LDLRAD4: variants seen among roughly 807,000 people sequenced by gnomAD.
LDLRAD4 encodes the protein low density lipoprotein receptor class A domain containing 4, also known as low-density lipoprotein receptor class A domain-containing protein 4.
LDLRAD4 carries 5 observed loss-of-function variants against 17.0 expected under a neutral mutation model. That is an observed-to-expected ratio of 0.29 (90% confidence interval 0.15 to 0.62). The LOEUF (loss-of-function observed/expected upper bound fraction) is 0.62, where lower values mean the gene tolerates loss of function less well. Among genes scored for constraint, LDLRAD4 ranks in the 20% least tolerant of loss-of-function variants. LDLRAD4 has a pLI of 0.84. For missense variants in LDLRAD4, 340 were observed against 424.7 expected, an observed-to-expected ratio of 0.80 and a Z score of 1.75; for synonymous variants, 168 against 171.8, an observed-to-expected ratio of 0.98 and a Z score of 0.17.
At chr18:13,409,439 C>G (rs1212299197) in intron 2 of LDLRAD4, among the ~76,000 whole-genome samples, 1 of 152,222 alleles carries the variant, frequency 6.6e-6, no homozygotes, top group East Asian at 1.9e-4. Flanking sequence ...ATTAAATAAC[C>G]TTGTCTCTTA....
chr18:13,447,306 G>T lies in LDLRAD4; in HGVS notation c.181+8922G>T, dbSNP rs547844041. Among the ~76,000 whole-genome samples, 42 of 152,318 alleles carry T rather than the reference G, an allele frequency of 2.8e-4. 1 individual carries two copies. The highest frequency in any genetic ancestry group is 3.5e-4 in the Non-Finnish European group (24 of 68,020). ...CACGCTTCTGCCTGAACGGTTCTGT[G>T]GGATGAGCCCCAGGGAGGCGCTGGC... On this transcript the variant is annotated intron_variant, in intron 3 of 5. Transcript: ENST00000359446.
chr18:13,376,366 C>T (rs2084912258), intron 1 of LDLRAD4, among the ~76,000 whole-genome samples: 1 of 152,184 alleles, frequency 6.6e-6, no homozygotes, highest in South Asian at 2.1e-4. Context: ...CCCACGGTCG[C>T]TTAGATCATG....
Position 13,433,900 on chromosome 18 carries a change from A to T in LDLRAD4, c.41-4344A>T, listed in dbSNP as rs75776875. On this transcript the variant is annotated intron_variant, in intron 2 of 5. Transcript: ENST00000359446. ...GGCTGATGTTAGTTTGTACACAACT[A>T]GAATGACCTTCAGGACAAAAAAGGG... Among the ~76,000 whole-genome samples, 756 of 152,354 alleles carry T rather than the reference A, an allele frequency of 5.0e-3. 7 individuals carry two copies. The highest frequency in any genetic ancestry group is 0.015 in the African/African-American group (644 of 41,566).
intron 1 of LDLRAD4, among the ~76,000 whole-genome samples, chr18:13,257,820 C>T (rs182119265): frequency 6.0e-4 from 91 of 152,292 alleles, no homozygotes; most frequent in African/African-American, 2.1e-3. Flanking sequence ...AAGGGTTTGT[C>T]CAACCCAATG....
At chr18:13,625,880 C>T (rs2041122202) in intron 4 of LDLRAD4, among the ~76,000 whole-genome samples, 1 of 149,010 alleles carries the variant, frequency 6.7e-6, no homozygotes, top group African/African-American at 2.5e-5. Flanking sequence ...CTCCTCCCCT[C>T]TACCAGCATC....
intron 2 of LDLRAD4, among the ~76,000 whole-genome samples, chr18:13,396,177 G>A (rs775562454): frequency 6.6e-6 from 1 of 152,156 alleles, no homozygotes; most frequent in Admixed American, 6.5e-5. Context: ...ATTTATGTTG[G>A]CATTTGTAGA....
chr18:13,276,726 G>A (rs1296574736), upstream of LDLRAD4, among the ~76,000 whole-genome samples: 1 of 152,214 alleles, frequency 6.6e-6, no homozygotes, highest in Non-Finnish European at 1.5e-5. Flanking sequence ...CCTCGTTGCG[G>A]ACTCCTATGT....
intron 1 of LDLRAD4, among the ~76,000 whole-genome samples, chr18:13,303,732 A>T (rs1344461329): frequency 1.3e-5 from 2 of 152,238 alleles, no homozygotes; most frequent in South Asian, 2.1e-4. Context: ...AAAAAGAGAA[A>T]GGAAGATGAA....
At chr18:13,293,666 CA>C (rs1452586035) in intron 1 of LDLRAD4, among the ~76,000 whole-genome samples, 1 of 152,216 alleles carries the variant, frequency 6.6e-6, no homozygotes, top group Admixed American at 6.5e-5. Context: ...TTCTCTTTTA[CA>C]AAGTCTGACT....
chr18:13,507,301 CTT>C (rs1204452180), intron 3 of LDLRAD4, among the ~76,000 whole-genome samples: 1 of 152,124 alleles, frequency 6.6e-6, no homozygotes, highest in South Asian at 2.1e-4. Context: ...GATATTTAGT[CTT>C]TTATCTCTTA....
At position 13,317,847 on chromosome 18, in the gene LDLRAD4, T is replaced by G. The variant is rs537994471; in HGVS notation, c.-383+39659T>G. 2.0e-5 allele frequency among the ~76,000 whole-genome samples: 3 copies of G among 152,344 alleles called. No homozygotes were observed. In the South Asian group the frequency reaches 6.2e-4, roughly 32 times the overall value. ...ATTTCTATTTTTGTATTTTCTCCAA[T>G]GAACGTTTGTTACTCCTATAATAAA... On this transcript the variant is annotated intron_variant, in intron 1 of 5. Transcript: ENST00000359446.
chr18:13,263,376 G>T (rs965298800), intron 1 of LDLRAD4, among the ~76,000 whole-genome samples: 1 of 152,070 alleles, frequency 6.6e-6, no homozygotes, highest in African/African-American at 2.4e-5. Context: ...GCGACTCTAT[G>T]TGTGGGGCTG....
intron 1 of LDLRAD4, among the ~76,000 whole-genome samples, chr18:13,256,781 C>T (rs1009433556): frequency 3.9e-5 from 6 of 152,138 alleles, no homozygotes; most frequent in East Asian, 3.9e-4. Context: ...CTAAGGAAGG[C>T]GTCAAAAGCA....
At chr18:13,315,131 A>T (rs2080858836) in intron 1 of LDLRAD4, among the ~76,000 whole-genome samples, 1 of 152,204 alleles carries the variant, frequency 6.6e-6, no homozygotes, top group Admixed American at 6.5e-5. Context: ...ACCTAGGAAT[A>T]AGAGTAAACC....
intron 3 of LDLRAD4, among the ~76,000 whole-genome samples, chr18:13,474,747 GACA>G (rs142483102): frequency 6.6e-6 from 1 of 152,208 alleles, no homozygotes; most frequent in Admixed American, 6.5e-5. Flanking sequence ...TTGTCTCAAA[GACA>G]ACAACAACAA....
At chr18:13,561,551 CAGTCAT>C (rs1204115670) in intron 3 of LDLRAD4, 1 of 152,184 alleles carries the variant, frequency 6.6e-6, no homozygotes, top group Non-Finnish European at 1.5e-5. Context: ...CCTTGATGAG[CAGTCAT>C]TTGTTGGAAG....
At chr18:13,265,489 G>T (rs2044166242) in intron 1 of LDLRAD4, among the ~76,000 whole-genome samples, 1 of 152,184 alleles carries the variant, frequency 6.6e-6, no homozygotes, top group African/African-American at 2.4e-5. Context: ...GCCCAGGTGA[G>T]CCCTTTTCTG....
Position 13,645,259 on chromosome 18 carries a change from T to C in LDLRAD4, c.523T>C (p.Ser175Pro). Residue 175 changes from serine (S) to proline (P), a missense_variant, in exon 6 of 6, where the codon TCC becomes CCC. By Grantham distance (74) the Ser-to-Pro change is moderately conservative. Coordinates refer to ENST00000359446, the Ensembl canonical transcript of LDLRAD4. This position sits in a 1 kb window ranked among gnomAD's most constrained non-coding sequence, Gnocchi z 5.7. ...TGATCTTCCTCCCACCATCTCCCTG[T>C]CCGACGGTGAAGAGCCACCTCCTTA... The C allele has an allele frequency of 6.2e-7, 1 of 1,614,160 alleles. No homozygotes were observed. Among genetic ancestry groups the C allele is most frequent in the Non-Finnish European group, 8.5e-7 (1 of 1,180,030 alleles).
intron 3 of LDLRAD4, among the ~76,000 whole-genome samples, chr18:13,583,981 G>C (rs1222869570): frequency 2.0e-5 from 3 of 152,084 alleles, no homozygotes; most frequent in Non-Finnish European, 1.5e-5. Context: ...CGCAGCCTCA[G>C]CCTGGCTTCC....
Sources: allele counts gnomAD v4.1 joint callset (sites outside exome capture counted in the v4.1 genomes callset), GRCh38; gene constraint gnomAD v4.1.1; non-coding constraint Gnocchi (gnomAD v3.1); transcripts MANE v1.5; gene names NCBI Gene and HGNC (gene_info 2026-07-23, HGNC 2026-07-21).